ABHD16B: variants seen among roughly 807,000 people sequenced by gnomAD.
The protein encoded by ABHD16B is abhydrolase domain-containing protein 16B.
In ABHD16B, 14 loss-of-function variants were observed where a neutral mutation model predicts 10.5. The observed-to-expected ratio is 1.33, with a 90% CI of 0.88 to 2.08. ABHD16B has a LOEUF of 2.08. Among genes scored for constraint, ABHD16B ranks in the 30% most tolerant of loss-of-function variants. The pLI is 0.00. For missense variants in ABHD16B, 763 were observed against 717.4 expected (o/e 1.06, Z -0.73); for synonymous variants, 374 against 337.9 (o/e 1.11, Z -1.17).
chr20:63,861,854 C>A lies in ABHD16B; in HGVS notation c.314C>A (p.Ser105Ter). Residue 105 changes from serine (S) to a stop codon, truncating the protein, a stop_gained, in exon 1 of 1, where the codon TCG becomes TAG. Transcript: ENST00000369916. LOFTEE classifies it high-confidence loss of function. This position sits in a 1 kb window ranked among gnomAD's most constrained non-coding sequence, Gnocchi z 5.4. ...GQLASYALAH[S>*]LGRWLVYPGS... ...CTCGCTAGCTACGCGCTGGCCCACT[C>A]GCTGGGCCGCTGGCTCGTGTACCCC... is the stretch of plus-strand genomic sequence containing the variant. 2 of 1,555,400 alleles carry A rather than the reference C, an allele frequency of 1.3e-6. No individual in the cohort carries two copies. Among genetic ancestry groups the A allele is most frequent in the East Asian group, 2.4e-5 (1 of 42,242 alleles).
rs140884142 is a variant in ABHD16B, at chr20:63,862,289, G to C, written c.749G>C (p.Gly250Ala). ...GTGGTCTACGGCTGGTCTGTTGGCG[G>C]CTTCACGGCCACCTGGGCCACCATG... The part of the protein sequence containing the change: ...HLVVYGWSVG[G>A]FTATWATMTY... Residue 250 changes from glycine to alanine, a missense_variant, in exon 1 of 1, where the codon GGC becomes GCC. By Grantham distance (60) the Gly-to-Ala change is moderately conservative (BLOSUM62 0). Coordinates refer to ENST00000369916, the MANE Select transcript of ABHD16B (RefSeq NM_080622.4). This position sits in a 1 kb window ranked among gnomAD's most constrained non-coding sequence, Gnocchi z 7.5. The C allele has an allele frequency of 1.2e-6, 2 of 1,611,326 alleles. No homozygotes were observed. Among genetic ancestry groups the C allele is most frequent in the Admixed American group, 1.7e-5 (1 of 59,888 alleles).
At position 63,862,526 on chromosome 20, in the gene ABHD16B, G is replaced by A. The variant is rs1432289870; in HGVS notation, c.986G>A (p.Gly329Asp). ...CAGGATGACGTGGTCAGCACTTCGGGCCGCCTGCGCCCCCTGTCACCTGGT... is the reference window on the plus strand; with the variant it reads ...CAGGATGACGTGGTCAGCACTTCGGACCGCCTGCGCCCCCTGTCACCTGGT... ...RTQDDVVSTS[G>D]RLRPLSPGDV... is the part of the protein sequence containing the mutation. The change falls in exon 1 of 1, where the codon GGC becomes GAC. Residue 329 changes from glycine (G) to aspartate (D), a missense_variant. Transcript: ENST00000369916. This position sits in a 1 kb window ranked among gnomAD's most constrained non-coding sequence, Gnocchi z 7.5. The A allele has an allele frequency of 1.3e-6, 2 of 1,568,506 alleles. No individual in the cohort carries two copies. Among genetic ancestry groups the A allele is most frequent in the Non-Finnish European group, 8.6e-7 (1 of 1,162,906 alleles).
Position 63,862,843 on chromosome 20 carries a change from C to G in ABHD16B, c.1303C>G (p.Arg435Gly). The G allele has an allele frequency of 3.3e-6, 5 of 1,535,614 alleles. No individual in the cohort carries two copies. Among genetic ancestry groups the G allele is most frequent in the Non-Finnish European group, 4.4e-6 (5 of 1,145,450 alleles). ...GGGCCAGGGCCTGAGCTCGCGGCGGCGCCGGCGCCTCGCACTGTTCCTGGC... is the reference window on the plus strand; with the variant it reads ...GGGCCAGGGCCTGAGCTCGCGGCGGGGCCGGCGCCTCGCACTGTTCCTGGC... The part of the protein sequence containing the change: ...LVGQGLSSRR[R>G]RRLALFLARK... Residue 435 changes from arginine to glycine, a missense_variant, in exon 1 of 1, where the codon CGC becomes GGC. Transcript: ENST00000369916. The surrounding 1 kb of genome is among the most constrained non-coding windows in gnomAD (Gnocchi z 7.5).
rs6062554 is a variant in ABHD16B at position 63,862,397 on chromosome 20, G to T, written c.857G>T (p.Ser286Ile). 1 of 1,601,146 alleles carries T rather than the reference G, an allele frequency of 6.2e-7. No individual in the cohort carries two copies. Among genetic ancestry groups the T allele is most frequent in the African/African-American group, 1.3e-5 (1 of 74,854 alleles). The change falls in exon 1 of 1, where the codon AGT (serine) becomes ATT (isoleucine). Residue 286 changes from serine to isoleucine, a missense_variant. Coordinates refer to ENST00000369916, the MANE Select transcript of ABHD16B (RefSeq NM_080622.4). The surrounding 1 kb of genome is among the most constrained non-coding windows in gnomAD (Gnocchi z 7.5). The part of the protein sequence containing the change: ...VPLALKVMPH[S>I]WKGLVVRTVR... ...CTGGCGCTGAAGGTCATGCCCCACA[G>T]TTGGAAGGGGCTGGTGGTGCGCACC...
At position 63,862,633 on chromosome 20, in the gene ABHD16B, C is replaced by T. The variant is rs1365555975; in HGVS notation, c.1093C>T (p.Arg365Cys). Residue 365 changes from arginine (R) to cysteine (C), a missense_variant, in exon 1 of 1, where the codon CGC (arginine) becomes TGC (cysteine). Transcript: ENST00000369916. The surrounding 1 kb of genome is among the most constrained non-coding windows in gnomAD (Gnocchi z 7.5). ...RYPVVMAREG[R>C]AVVTRWLRAG... Reference sequence around the variant, plus strand: ...CCCCGTCGTGATGGCGCGAGAGGGCCGCGCCGTCGTCACCCGCTGGCTGCG... The same window carrying T: ...CCCCGTCGTGATGGCGCGAGAGGGCTGCGCCGTCGTCACCCGCTGGCTGCG... 13 of 1,540,586 alleles carry T rather than the reference C, an allele frequency of 8.4e-6. No individual in the cohort carries two copies. The highest frequency in any genetic ancestry group is 1.1e-5 in the Non-Finnish European group (13 of 1,148,154).
chr20:63,861,790 C>T lies in ABHD16B; in HGVS notation c.250C>T (p.Gln84Ter), dbSNP rs1415026445. 3 of 1,464,804 alleles carry T rather than the reference C, an allele frequency of 2.0e-6. No homozygotes were observed. In the African/African-American group the frequency reaches 4.4e-5, roughly 22 times the overall value. 90.7% of individuals were successfully genotyped at this position (1,464,804 alleles called of 1,614,324 possible). ...TCCACGTGGGGCGCGCAGCCAGGCG[C>T]AGTGCCTCTTGCAGCAGCTCCGCGA... ...RPPRGARSQA[Q>*]CLLQQLRELP... The change falls in exon 1 of 1, where the codon CAG becomes TAG. Residue 84 changes from glutamine (Q) to a stop codon, truncating the protein, a stop_gained. Coordinates refer to ENST00000369916, the MANE Select transcript of ABHD16B (RefSeq NM_080622.4). LOFTEE classifies it high-confidence loss of function. The surrounding 1 kb of genome is among the most constrained non-coding windows in gnomAD (Gnocchi z 5.4).
rs1490162884 is a variant in ABHD16B, at chr20:63,862,667, G to C, written c.1127G>C (p.Ser376Thr). 1 of 1,536,116 alleles carries C rather than the reference G, an allele frequency of 6.5e-7. No individual in the cohort carries two copies. Among genetic ancestry groups the C allele is most frequent in the Non-Finnish European group, 8.7e-7 (1 of 1,145,958 alleles). The change falls in exon 1 of 1, where the codon AGC (serine) becomes ACC (threonine). Residue 376 changes from serine to threonine, a missense_variant. Coordinates refer to ENST00000369916, the MANE Select transcript of ABHD16B (RefSeq NM_080622.4). The surrounding 1 kb of genome is among the most constrained non-coding windows in gnomAD (Gnocchi z 7.5). The stretch of plus-strand genomic sequence containing the variant: ...GTCACCCGCTGGCTGCGCGCTGGCA[G>C]CTTGGCGCAGGAGGCCGCCTTCTAT... ...AVVTRWLRAG[S>T]LAQEAAFYAR...
In ABHD16B at chr20:63,862,772, G is replaced by A. The variant is rs997389268; in HGVS notation, c.1232G>A (p.Gly411Asp). 8.5e-6 allele frequency: 13 copies of A among 1,530,858 alleles called. No homozygotes were observed. The highest frequency in any genetic ancestry group is 2.4e-5 in the South Asian group (2 of 83,484). 94.8% of individuals were successfully genotyped at this position (1,530,858 alleles called of 1,614,324 possible). ...GCACGCTGCGAAGAGGAGCTGGAGG[G>A]CGAGGAGGCCCTGGGGCCACACGGA... ...YRARCEEELE[G>D]EEALGPHGPA... Residue 411 changes from glycine (G) to aspartate (D), a missense_variant, in exon 1 of 1, where the codon GGC becomes GAC. By Grantham distance (94) the Gly-to-Asp change is moderately conservative. Transcript: ENST00000369916. The surrounding 1 kb of genome is among the most constrained non-coding windows in gnomAD (Gnocchi z 7.5).
In ABHD16B at chr20:63,862,089, C is replaced by G; in HGVS notation, c.549C>G (p.Phe183Leu). 1.9e-6 allele frequency: 3 copies of G among 1,611,864 alleles called. No homozygotes were observed. The highest frequency in any genetic ancestry group is 2.5e-6 in the Non-Finnish European group (3 of 1,179,716). Reference sequence around the variant, plus strand: ...TCTGCTGCGAAGGCAACGCGGGCTTCTACGAGATGGGCTGTCTGTCTGCAC... The same window carrying G: ...TCTGCTGCGAAGGCAACGCGGGCTTGTACGAGATGGGCTGTCTGTCTGCAC... ...LVICCEGNAG[F>L]YEMGCLSAPL... The change falls in exon 1 of 1, where the codon TTC becomes TTG. Residue 183 changes from phenylalanine to leucine, a missense_variant. Phe to Leu is a conservative substitution (Grantham distance 22). Coordinates refer to ENST00000369916, the MANE Select transcript of ABHD16B (RefSeq NM_080622.4). The surrounding 1 kb of genome is among the most constrained non-coding windows in gnomAD (Gnocchi z 7.5).
Position 63,862,209 on chromosome 20 carries a change from G to T in ABHD16B, c.669G>T (p.Met223Ile). The change falls in exon 1 of 1, where the codon ATG (methionine) becomes ATT (isoleucine). Residue 223 changes from methionine to isoleucine, a missense_variant. Transcript: ENST00000369916. This position sits in a 1 kb window ranked among gnomAD's most constrained non-coding sequence, Gnocchi z 7.5. ...VPFPQHDANA[M>I]DVVVEYALHR... ...TCCCTCAGCACGACGCCAACGCCATGGACGTGGTGGTCGAGTACGCACTGC... is the reference window on the plus strand; with the variant it reads ...TCCCTCAGCACGACGCCAACGCCATTGACGTGGTGGTCGAGTACGCACTGC... 6.2e-7 allele frequency: 1 copy of T among 1,611,464 alleles called. No homozygotes were observed.
At position 63,862,776 on chromosome 20, in the gene ABHD16B, G is replaced by A. The variant is rs767891227; in HGVS notation, c.1236G>A (p.Glu412=). 1 of 1,531,070 alleles carries A rather than the reference G, an allele frequency of 6.5e-7. No individual in the cohort carries two copies. The highest frequency in any genetic ancestry group is 1.2e-5 in the South Asian group (1 of 83,476). 94.8% of individuals were successfully genotyped at this position (1,531,070 alleles called of 1,614,324 possible). A position where few individuals can be genotyped will look rare whatever the true frequency, so the allele number is the denominator to read the frequency against. Residue 412 remains glutamate, a synonymous_variant, in exon 1 of 1, where the codon GAG becomes GAA. Coordinates refer to ENST00000369916, the MANE Select transcript of ABHD16B (RefSeq NM_080622.4). The surrounding 1 kb of genome is among the most constrained non-coding windows in gnomAD (Gnocchi z 7.5). ...GCTGCGAAGAGGAGCTGGAGGGCGAGGAGGCCCTGGGGCCACACGGACCCG... is the reference window on the plus strand; with the variant it reads ...GCTGCGAAGAGGAGCTGGAGGGCGAAGAGGCCCTGGGGCCACACGGACCCG... ...RARCEEELEG[E]EALGPHGPAF...
rs773795873 is a variant in ABHD16B, at chr20:63,861,870, C to T, written c.330C>T (p.Leu110=). The T allele has an allele frequency of 2.6e-6, 4 of 1,546,808 alleles. No homozygotes were observed. The highest frequency in any genetic ancestry group is 3.5e-6 in the Non-Finnish European group (4 of 1,144,146). The change falls in exon 1 of 1, where the codon CTC becomes CTT. Residue 110 remains leucine, a synonymous_variant. Coordinates refer to ENST00000369916, the MANE Select transcript of ABHD16B (RefSeq NM_080622.4). This position sits in a 1 kb window ranked among gnomAD's most constrained non-coding sequence, Gnocchi z 5.4. The part of the protein sequence containing the change: ...YALAHSLGRW[L]VYPGSVSLMT... ...TGGCCCACTCGCTGGGCCGCTGGCT[C>T]GTGTACCCCGGCTCCGTGTCCCTGA...
chr20:63,862,586 T>A lies in ABHD16B; in HGVS notation c.1046T>A (p.Leu349Gln). The change falls in exon 1 of 1, where the codon CTG (leucine) becomes CAG (glutamine). Residue 349 changes from leucine to glutamine, a missense_variant. Transcript: ENST00000369916. This position sits in a 1 kb window ranked among gnomAD's most constrained non-coding sequence, Gnocchi z 7.5. ...VEGNRGNELLLRLLEHRYPVV... is the reference protein window; with the variant it reads ...VEGNRGNELLQRLLEHRYPVV... ...GGCAACCGGGGCAATGAGCTGCTGC[T>A]GCGCCTGCTGGAGCACCGCTACCCC... The A allele has an allele frequency of 6.4e-7, 1 of 1,562,282 alleles. No homozygotes were observed. Among genetic ancestry groups the A allele is most frequent in the Non-Finnish European group, 8.6e-7 (1 of 1,159,028 alleles).
rs6011194 is a variant in ABHD16B, at chr20:63,862,031, C to T, written c.491C>T (p.Pro164Leu). 3,796 of 1,608,700 alleles carry T rather than the reference C, an allele frequency of 2.4e-3. 25 individuals carry two copies. Among genetic ancestry groups the T allele is most frequent in the Middle Eastern group, 0.023 (139 of 6,054 alleles). ...ATGTTCATGGACCGCCGCCAGCACCCGGGCAGCCACGTGCACGGGCCGCGC... is the reference window on the plus strand; with the variant it reads ...ATGTTCATGGACCGCCGCCAGCACCTGGGCAGCCACGTGCACGGGCCGCGC... ...DTMFMDRRQH[P>L]GSHVHGPRLV... The change falls in exon 1 of 1, where the codon CCG becomes CTG. Residue 164 changes from proline to leucine, a missense_variant. Transcript: ENST00000369916. This position sits in a 1 kb window ranked among gnomAD's most constrained non-coding sequence, Gnocchi z 7.5.
At position 63,862,731 on chromosome 20, in the gene ABHD16B, G is replaced by T; in HGVS notation, c.1191G>T (p.Leu397=). 2 of 1,529,900 alleles carry T rather than the reference G, an allele frequency of 1.3e-6. No homozygotes were observed. Among genetic ancestry groups the T allele is most frequent in the Non-Finnish European group, 1.8e-6 (2 of 1,141,872 alleles). 94.8% of individuals were successfully genotyped at this position (1,529,900 alleles called of 1,614,324 possible). ...YRVDEDWCLA[L]LRSYRARCEE... The stretch of plus-strand genomic sequence containing the variant: ...TGGACGAGGACTGGTGCCTGGCGCT[G>T]CTGCGCTCCTACCGTGCACGCTGCG... Residue 397 remains leucine (L), a synonymous_variant, in exon 1 of 1, where the codon CTG becomes CTT. Transcript: ENST00000369916. This position sits in a 1 kb window ranked among gnomAD's most constrained non-coding sequence, Gnocchi z 7.5.
Position 63,862,819 on chromosome 20 carries a change from G to C in ABHD16B, c.1279G>C (p.Gly427Arg). The C allele has an allele frequency of 6.5e-7, 1 of 1,535,200 alleles. No homozygotes were observed. Among genetic ancestry groups the C allele is most frequent in the Non-Finnish European group, 8.7e-7 (1 of 1,145,356 alleles). ...PHGPAFPWLV[G>R]QGLSSRRRRR... ...CGGACCCGCCTTCCCATGGCTGGTG[G>C]GCCAGGGCCTGAGCTCGCGGCGGCG... Residue 427 changes from glycine to arginine, a missense_variant, in exon 1 of 1, where the codon GGC becomes CGC. Physicochemically the swap from Gly to Arg is moderately radical, Grantham distance 125. Coordinates refer to ENST00000369916, the MANE Select transcript of ABHD16B (RefSeq NM_080622.4). This position sits in a 1 kb window ranked among gnomAD's most constrained non-coding sequence, Gnocchi z 7.5.
chr20:63,862,913 T>A lies in ABHD16B; in HGVS notation c.1373T>A (p.Leu458Gln). Reference protein sequence around the residue: ...KNVEATHFSPLEPEEFQLPWR... With the variant: ...KNVEATHFSPQEPEEFQLPWR... ...GTGGAGGCGACTCACTTCAGCCCTC[T>A]GGAGCCTGAGGAGTTTCAGTTGCCC... is the stretch of plus-strand genomic sequence containing the variant. The change falls in exon 1 of 1, where the codon CTG becomes CAG. Residue 458 changes from leucine (L) to glutamine (Q), a missense_variant. Coordinates refer to ENST00000369916, the MANE Select transcript of ABHD16B (RefSeq NM_080622.4). This position sits in a 1 kb window ranked among gnomAD's most constrained non-coding sequence, Gnocchi z 7.5. 1 of 1,514,388 alleles carries A rather than the reference T, an allele frequency of 6.6e-7. No individual in the cohort carries two copies. Among genetic ancestry groups the A allele is most frequent in the South Asian group, 1.3e-5 (1 of 79,308 alleles). The allele number at this position is 1,514,388 out of a possible 1,614,324, so 93.8% of individuals were successfully genotyped here.
At position 63,861,960 on chromosome 20, in the gene ABHD16B, C is replaced by A; in HGVS notation, c.420C>A (p.Gly140=). The change falls in exon 1 of 1, where the codon GGC becomes GGA. Residue 140 remains glycine (G), a synonymous_variant. Coordinates refer to ENST00000369916, the MANE Select transcript of ABHD16B (RefSeq NM_080622.4). This position sits in a 1 kb window ranked among gnomAD's most constrained non-coding sequence, Gnocchi z 5.4. ...GQERLVERYH[G]RRAKLVACDG... Reference sequence around the variant, plus strand: ...AGCGCCTCGTGGAGCGCTACCACGGCCGGCGCGCCAAGCTGGTGGCCTGTG... The same window carrying A: ...AGCGCCTCGTGGAGCGCTACCACGGACGGCGCGCCAAGCTGGTGGCCTGTG... The A allele has an allele frequency of 6.3e-7, 1 of 1,598,770 alleles. No individual in the cohort carries two copies. The highest frequency in any genetic ancestry group is 8.5e-7 in the Non-Finnish European group (1 of 1,178,504).
chr20:63,862,858 C>G lies in ABHD16B; in HGVS notation c.1318C>G (p.Leu440Val). The G allele has an allele frequency of 6.5e-7, 1 of 1,538,886 alleles. No individual in the cohort carries two copies. The highest frequency in any genetic ancestry group is 8.7e-7 in the Non-Finnish European group (1 of 1,146,736). Residue 440 changes from leucine to valine, a missense_variant, in exon 1 of 1, where the codon CTG becomes GTG. Leu to Val is a conservative substitution (Grantham distance 32). Transcript: ENST00000369916. The surrounding 1 kb of genome is among the most constrained non-coding windows in gnomAD (Gnocchi z 7.5). ...LSSRRRRRLA[L>V]FLARKHLKNV... ...CTCGCGGCGGCGCCGGCGCCTCGCA[C>G]TGTTCCTGGCTCGGAAGCACCTCAA...
Sources: gnomAD v4.1 joint callset for allele counts on GRCh38, gnomAD v4.1.1 for gene constraint, Gnocchi (gnomAD v3.1) non-coding constraint, MANE v1.5 for transcripts, NCBI Gene and HGNC (gene_info 2026-07-23, HGNC 2026-07-21) for gene names.